Variants in ROBO1 observed in about 807,000 individuals in gnomAD.
The protein encoded by ROBO1 is roundabout homolog 1.
ROBO1 carries 149 observed loss-of-function variants against 195.9 expected under a neutral mutation model. The ratio of observed to expected loss-of-function variants is 0.76; its 90% CI spans 0.67 to 0.87. ROBO1 has a LOEUF of 0.87. Ranked by LOEUF, ROBO1 falls within the 40% of genes least tolerant of loss-of-function variation. The pLI is 0.00. For synonymous variants in ROBO1, 816 were observed against 733.2 expected (o/e 1.11, Z -1.82); for missense variants, 1,933 against 2,068.3 (o/e 0.93, Z 1.27).
At chr3:78,922,148 C>T (rs556468973) in intron 4 of ROBO1, among the ~76,000 whole-genome samples, 7 of 152,218 alleles carry the variant, frequency 4.6e-5, no homozygotes, top group South Asian at 4.1e-4. Flanking sequence ...AGGCAGTCAA[C>T]ATAATAGTTG....
intron 5 of ROBO1, among the ~76,000 whole-genome samples, chr3:78,726,033 C>CA (rs1318459073): frequency 6.6e-6 from 1 of 151,920 alleles, no homozygotes; most frequent in African/African-American, 2.4e-5. Flanking sequence ...TTTGGCTACA[C>CA]AAATTCTTTT....
chr3:79,614,782 CTA>C (rs1164602008), intron 1 of ROBO1, among the ~76,000 whole-genome samples: 1 of 151,038 alleles, frequency 6.6e-6, no homozygotes, highest in Non-Finnish European at 1.5e-5. Flanking sequence ...TCAAATTGAT[CTA>C]TGATTTCAAT....
At chr3:78,828,195 CTCT>C (rs2031811727) in intron 4 of ROBO1, among the ~76,000 whole-genome samples, 1 of 152,146 alleles carries the variant, frequency 6.6e-6, no homozygotes. Flanking sequence ...ATTTTACTTC[CTCT>C]TCTTCTCAGC....
At chr3:79,545,456 A>G (rs1213308028) in intron 2 of ROBO1, among the ~76,000 whole-genome samples, 2 of 152,194 alleles carry the variant, frequency 1.3e-5, no homozygotes, top group African/African-American at 4.8e-5. Flanking sequence ...CCTTGCCAGA[A>G]GGTGACACAG....
At chr3:79,601,618 G>A (rs1944341696) in intron 1 of ROBO1, among the ~76,000 whole-genome samples, 1 of 151,954 alleles carries the variant, frequency 6.6e-6, no homozygotes. Context: ...TTGCAGAAGA[G>A]ATGGAGTACA....
intron 2 of ROBO1, among the ~76,000 whole-genome samples, chr3:79,255,560 G>A (rs557022384): frequency 7.9e-5 from 12 of 152,068 alleles, no homozygotes; most frequent in East Asian, 1.9e-4. Context: ...AAGTAGTACC[G>A]ATATAAGCAA....
At chr3:78,754,972 C>T (rs930416695) in intron 4 of ROBO1, among the ~76,000 whole-genome samples, 30 of 151,970 alleles carry the variant, frequency 2.0e-4, no homozygotes, top group Non-Finnish European at 2.6e-4. Flanking sequence ...GTAGTGGTAC[C>T]GGTGGAGAGC....
chr3:78,694,288 C>T (rs893385725), intron 8 of ROBO1, among the ~76,000 whole-genome samples: 3 of 152,094 alleles, frequency 2.0e-5, no homozygotes, highest in African/African-American at 7.2e-5. Flanking sequence ...CAGAAACCTA[C>T]AATATATTTT....
At chr3:79,567,180 A>G (rs1336624639) in intron 2 of ROBO1, among the ~76,000 whole-genome samples, 3 of 152,150 alleles carry the variant, frequency 2.0e-5, no homozygotes, top group Non-Finnish European at 4.4e-5. Flanking sequence ...CACATTCTCA[A>G]TTATAAGTGG....
At chr3:78,843,740 G>C (rs2033448366) in intron 4 of ROBO1, among the ~76,000 whole-genome samples, 1 of 151,938 alleles carries the variant, frequency 6.6e-6, no homozygotes, top group African/African-American at 2.4e-5. Context: ...AATAATCCTA[G>C]AAATCAAAGT....
intron 2 of ROBO1, among the ~76,000 whole-genome samples, chr3:79,509,298 G>A (rs781610900): frequency 5.3e-5 from 8 of 151,566 alleles, no homozygotes; most frequent in East Asian, 1.9e-4. Flanking sequence ...TATTTATGGC[G>A]GAATTAAATC....
intron 10 of ROBO1, among the ~76,000 whole-genome samples, chr3:78,674,887 C>A (rs544020363): frequency 1.5e-4 from 23 of 152,112 alleles, no homozygotes; most frequent in Middle Eastern, 6.8e-3. Context: ...ATGTGTGTAT[C>A]ACTCTATGTT....
chr3:79,082,794 C>T (rs2079298261), intron 3 of ROBO1, among the ~76,000 whole-genome samples: 1 of 152,062 alleles, frequency 6.6e-6, no homozygotes, highest in Admixed American at 6.6e-5. Context: ...TGGAGAGAGG[C>T]AGGTTGAACC....
chr3:79,080,479 A>G (rs943256867), intron 3 of ROBO1, among the ~76,000 whole-genome samples: 10 of 152,112 alleles, frequency 6.6e-5, no homozygotes, highest in Non-Finnish European at 1.2e-4. Context: ...ATTAAAAAAA[A>G]CTAGACTATC....
intron 2 of ROBO1, among the ~76,000 whole-genome samples, chr3:79,332,265 C>G (rs1453838533): frequency 1.3e-5 from 2 of 149,464 alleles, no homozygotes; most frequent in African/African-American, 2.5e-5. Flanking sequence ...CACAAGAAGG[C>G]AGAGAGTTAA....
At chr3:78,946,619 G>A (rs1029812648) in intron 3 of ROBO1, among the ~76,000 whole-genome samples, 4 of 152,138 alleles carry the variant, frequency 2.6e-5, no homozygotes, top group African/African-American at 9.7e-5. Context: ...ATCAACTAAT[G>A]AGCAAAATAA....
At chr3:79,151,681 C>T (rs532557529) in intron 2 of ROBO1, among the ~76,000 whole-genome samples, 16 of 151,818 alleles carry the variant, frequency 1.1e-4, no homozygotes, top group Admixed American at 2.0e-4. Flanking sequence ...CCTGCAACAT[C>T]TTTCACACCT....
intron 4 of ROBO1, among the ~76,000 whole-genome samples, chr3:78,853,065 T>C (rs2034173542): frequency 6.6e-6 from 1 of 152,174 alleles, no homozygotes; most frequent in African/African-American, 2.4e-5. Flanking sequence ...AGACATTTGC[T>C]TTTTGAGGTG....
intron 3 of ROBO1, among the ~76,000 whole-genome samples, chr3:78,963,550 G>A (rs1234582611): frequency 7.4e-5 from 8 of 107,616 alleles, no homozygotes; most frequent in African/African-American, 2.6e-4. Context: ...ACGGAGTCTC[G>A]CTCTGTCGCC....
Sources: gnomAD v4.1 joint callset for allele counts (sites outside exome capture counted in the v4.1 genomes callset) on GRCh38, gnomAD v4.1.1 for gene constraint, MANE v1.5 for transcripts, NCBI Gene and HGNC (gene_info 2026-07-23, HGNC 2026-07-21) for gene names.